The following DCAF1 variants were observed in gnomAD, a reference collection of about 807,000 sequenced individuals.
DCAF1 encodes DDB1 and CUL4 associated factor 1, also known as DDB1- and CUL4-associated factor 1.
A neutral mutation model predicts 128.0 loss-of-function variants in DCAF1; 15 were observed. The ratio of observed to expected loss-of-function variants is 0.12; its 90% CI spans 0.08 to 0.18. DCAF1 has a LOEUF of 0.18. Ranked by LOEUF, DCAF1 falls within the 10% of genes least tolerant of loss-of-function variation. The pLI, the probability that DCAF1 is intolerant of heterozygous loss-of-function variation, is 1.00. For missense variants in DCAF1, 988 were observed against 1,649.5 expected (o/e 0.60, Z 6.95); for synonymous variants, 610 against 603.0 (o/e 1.01, Z -0.17).
intron 1 of DCAF1, among the ~76,000 whole-genome samples, chr3:51,499,535 GA>G (rs1230809820): frequency 1.3e-5 from 2 of 152,100 alleles, no homozygotes; most frequent in African/African-American, 4.8e-5. Flanking sequence ...GAAGGAAAAA[GA>G]AAACAAGGGA....
In DCAF1 at chr3:51,496,728, A is replaced by C. The variant is rs1179080347; in HGVS notation, c.-9+6T>G. Among the ~76,000 whole-genome samples, 1 of 152,120 alleles carries C rather than the reference A, an allele frequency of 6.6e-6. No individual in the cohort carries two copies. The highest frequency in any genetic ancestry group is 2.4e-5 in the African/African-American group (1 of 41,444). ...AAGGATTCAAATCCCAACTCTGCTG[A>C]CATACCTGTGAAGTCTTGGTTATTT... On this transcript the variant is annotated splice_donor_region_variant and intron_variant, in intron 2 of 24. Transcript: ENST00000684031.
intron 19 of DCAF1, 142 bp downstream of exon 19, chr3:51,414,481 TA>T: frequency 8.0e-7 from 1 of 1,255,180 alleles, no homozygotes; most frequent in Non-Finnish European, 1.1e-6. Context: ...GAGATTTCAC[TA>T]ACATTTCAAA....
At position 51,430,046 on chromosome 3, in the gene DCAF1, C is replaced by T. The variant is rs1553635151; in HGVS notation, c.1454G>A (p.Arg485His). The change falls in exon 11 of 25, where the codon CGT becomes CAT. Residue 485 changes from arginine to histidine, a missense_variant. Around this residue, in one of 11 missense-constraint regions of DCAF1, gnomAD observed 185 missense variants for 248.1 expected, o/e 0.75. Transcript: ENST00000684031. Reference protein sequence around the residue: ...ELFDRYDGLRRLVNLISTLEI... With the variant: ...ELFDRYDGLRHLVNLISTLEI... ...AAAGAACCTCACCAAGTTCACCAGA[C>T]GACGAAGACCATCATAGCGGTCAAA... is the stretch of plus-strand genomic sequence containing the variant. The T allele has an allele frequency of 5.1e-6, 4 of 780,402 alleles. No individual in the cohort carries two copies. Among genetic ancestry groups the T allele is most frequent in the Non-Finnish European group, 9.6e-6 (4 of 417,880 alleles). 48.3% of individuals were successfully genotyped at this position (780,402 alleles called of 1,614,324 possible). A position where few individuals can be genotyped will look rare whatever the true frequency, so the allele number is the denominator to read the frequency against.
chr3:51,460,814 G>A (rs1157946605), intron 6 of DCAF1, among the ~76,000 whole-genome samples: 1 of 151,128 alleles, frequency 6.6e-6, no homozygotes, highest in Non-Finnish European at 1.5e-5. Context: ...ATGGGGAAAG[G>A]ATTCCCTATT....
chr3:51,449,732 A>G (rs936483224), intron 6 of DCAF1, among the ~76,000 whole-genome samples: 1 of 152,188 alleles, frequency 6.6e-6, no homozygotes, highest in Non-Finnish European at 1.5e-5. Context: ...AAGATCAACA[A>G]AATTGACAAA....
rs1399299225 is a variant in DCAF1 at position 51,413,275 on chromosome 3, T to G, written c.4036+7A>C. 2 of 1,612,104 alleles carry G rather than the reference T, an allele frequency of 1.2e-6. No individual in the cohort carries two copies. The highest frequency in any genetic ancestry group is 1.3e-5 in the African/African-American group (1 of 74,924). ...AAAATGTTCAATGTCTGTCCCTTTC[T>G]GCTTACCTATAGGTTTGTAGTCAGT... On this transcript the variant is annotated splice_region_variant and intron_variant, in intron 21 of 24. Transcript: ENST00000684031.
intron 9 of DCAF1, chr3:51,437,226 G>A (rs1700916556): frequency 8.3e-6 from 3 of 362,122 alleles, no homozygotes; most frequent in South Asian, 4.2e-5. Context: ...TAGCACCACT[G>A]CACTGCACTC....
At chr3:51,484,784 G>C (rs1293998459) in intron 2 of DCAF1, among the ~76,000 whole-genome samples, 2 of 148,994 alleles carry the variant, frequency 1.3e-5, no homozygotes, top group Non-Finnish European at 3.0e-5. Context: ...TCGGGTTCAA[G>C]CAATTCTCCT....
At chr3:51,505,082 CA>C in the DCAF1 span, among the ~76,000 whole-genome samples, 1 of 151,860 alleles carries the variant, frequency 6.6e-6, no homozygotes, top group Non-Finnish European at 1.5e-5. Context: ...GCCAGCATGA[CA>C]AAACCCCATC....
chr3:51,421,754 C>T (rs529476848), intron 14 of DCAF1, among the ~76,000 whole-genome samples: 5 of 152,260 alleles, frequency 3.3e-5, no homozygotes, highest in Admixed American at 2.6e-4. Context: ...CCCTGATCAG[C>T]CTTGCTCTTA....
chr3:51,407,414 G>C (rs1697947458), intron 23 of DCAF1, among the ~76,000 whole-genome samples: 1 of 152,102 alleles, frequency 6.6e-6, no homozygotes, highest in Non-Finnish European at 1.5e-5. Flanking sequence ...ATTCAGCTCT[G>C]ACCAGGTGTG....
At chr3:51,482,759 C>T (rs1446686368) in intron 3 of DCAF1, among the ~76,000 whole-genome samples, 4 of 127,142 alleles carry the variant, frequency 3.1e-5, no homozygotes, top group Admixed American at 1.7e-4. Flanking sequence ...TGCAACACTC[C>T]ATCTCAAAAA....
chr3:51,441,071 G>A lies in DCAF1; in HGVS notation c.1027C>T (p.Leu343=), dbSNP rs59466195. The part of the protein sequence containing the change: ...YLTPLGEYQE[L]LPIFMQLGSR... ...CCAAGTTGCATGAATATGGGAAGTA[G>A]CTGAAATGAACACCAAATACAAGTC... Residue 343 remains leucine, a splice_region_variant and synonymous_variant, in exon 9 of 25, where the codon CTA becomes TTA. Transcript: ENST00000684031. 2 of 1,608,050 alleles carry A rather than the reference G, an allele frequency of 1.2e-6. No individual in the cohort carries two copies. Among genetic ancestry groups the A allele is most frequent in the East Asian group, 2.2e-5 (1 of 44,758 alleles).
At chr3:51,429,988 C>T (rs369313130) in intron 11 of DCAF1, 45 bp downstream of exon 11, 11 of 771,722 alleles carry the variant, frequency 1.4e-5, no homozygotes, top group Non-Finnish European at 2.7e-5. Flanking sequence ...GCCAAGACAA[C>T]CAGGACCCTC....
At chr3:51,504,800 C>T (rs1708902129), upstream of DCAF1, among the ~76,000 whole-genome samples, 1 of 152,136 alleles carries the variant, frequency 6.6e-6, no homozygotes, top group Non-Finnish European at 1.5e-5. Flanking sequence ...GAGTTTACCA[C>T]TCTATCAGTT....
intron 4 of DCAF1, among the ~76,000 whole-genome samples, 158 bp downstream of exon 4, chr3:51,470,770 TA>T (rs1463876493): frequency 1.3e-5 from 2 of 151,878 alleles, no homozygotes; most frequent in Non-Finnish European, 2.9e-5. Context: ...TTTTAACAAA[TA>T]AAAGGTCTTA....
At chr3:51,399,084 C>G (rs1228671985) in intron 24 of DCAF1, among the ~76,000 whole-genome samples, 1 of 152,220 alleles carries the variant, frequency 6.6e-6, no homozygotes, top group African/African-American at 2.4e-5. Flanking sequence ...GCCTGGGAGG[C>G]GCTGAAGGGA....
At chr3:51,401,728 C>A (rs2089714544) in intron 24 of DCAF1, among the ~76,000 whole-genome samples, 1 of 152,176 alleles carries the variant, frequency 6.6e-6, no homozygotes, top group Admixed American at 6.5e-5. Flanking sequence ...TTTGGGAGCA[C>A]CACCATCAGC....
intron 5 of DCAF1, 108 bp downstream of exon 5, chr3:51,466,695 C>A: frequency 9.2e-7 from 1 of 1,088,328 alleles, no homozygotes; most frequent in Non-Finnish European, 1.3e-6. Context: ...AAACTCTACT[C>A]CCAACTTTGT....
Sources: gnomAD v4.1 joint callset for allele counts (sites outside exome capture counted in the v4.1 genomes callset) on GRCh38, gnomAD v4.1.1 for gene constraint, gnomAD v4.1.1 regional missense constraint, MANE v1.5 for transcripts, NCBI Gene and HGNC (gene_info 2026-07-23, HGNC 2026-07-21) for gene names.